The following ADISSP variants were observed in gnomAD, a reference collection of about 807,000 sequenced individuals.
ADISSP encodes adipose-secreted signaling protein.
the ADISSP span, among the ~76,000 whole-genome samples, chr20:3,761,336 GTTTT>G: frequency 4.2e-5 from 6 of 141,648 alleles, no homozygotes; most frequent in East Asian, 8.3e-4. Context: ...TATGGTTTTT[GTTTT>G]TTTTTTTTTT....
chr20:3,758,590 C>A, the ADISSP span: 1 of 1,613,974 alleles, frequency 6.2e-7, no homozygotes. The surrounding 1 kb of genome is among the most constrained non-coding windows in gnomAD (Gnocchi z 5.5). Flanking sequence ...CCGAGTCATG[C>A]AGCTTCTCAT....
chr20:3,766,207 A>G, the ADISSP span, among the ~76,000 whole-genome samples: 2 of 152,214 alleles, frequency 1.3e-5, no homozygotes, highest in Non-Finnish European at 2.9e-5. Flanking sequence ...CACGCCTGTG[A>G]AAAGAACAGC....
the ADISSP span, chr20:3,754,172 T>C: frequency 6.3e-7 from 1 of 1,598,674 alleles, no homozygotes; most frequent in East Asian, 2.3e-5. Context: ...CAAGGCAGGG[T>C]GCAAGTCAGT....
chr20:3,756,593 T>C, the ADISSP span, among the ~76,000 whole-genome samples: 1 of 152,278 alleles, frequency 6.6e-6, no homozygotes, highest in African/African-American at 2.4e-5. Flanking sequence ...TGGGACCAGG[T>C]TGATATTGCT....
At chr20:3,758,849 C>T in the ADISSP span, among the ~76,000 whole-genome samples, 1 of 152,194 alleles carries the variant, frequency 6.6e-6, no homozygotes, top group African/African-American at 2.4e-5. This position sits in a 1 kb window ranked among gnomAD's most constrained non-coding sequence, Gnocchi z 5.5. Flanking sequence ...GCCTCCCCGC[C>T]GGCCCCGACC....
At chr20:3,755,817 G>A in the ADISSP span, among the ~76,000 whole-genome samples, 3,929 of 152,180 alleles carry the variant, frequency 0.026, 152 homozygotes, top group African/African-American at 0.089. Flanking sequence ...CAGCCCTACA[G>A]CTTGGCCAGC....
the ADISSP span, among the ~76,000 whole-genome samples, chr20:3,764,632 C>T: frequency 6.6e-6 from 1 of 152,264 alleles, no homozygotes; most frequent in Non-Finnish European, 1.5e-5. Flanking sequence ...CTCTTCCTCA[C>T]CTTACAAGGG....
the ADISSP span, among the ~76,000 whole-genome samples, chr20:3,766,006 C>T: frequency 3.9e-5 from 6 of 152,332 alleles, no homozygotes; most frequent in East Asian, 1.9e-4. Flanking sequence ...ATGCTCCCAA[C>T]GTCTGAGACC....
chr20:3,758,130 A>T, the ADISSP span, among the ~76,000 whole-genome samples: 280 of 152,370 alleles, frequency 1.8e-3, 2 homozygotes, highest in Admixed American at 5.3e-3. This position sits in a 1 kb window ranked among gnomAD's most constrained non-coding sequence, Gnocchi z 5.5. Flanking sequence ...CCTGTATCAC[A>T]TACATACATT....
At chr20:3,759,777 C>A in the ADISSP span, among the ~76,000 whole-genome samples, 2 of 152,158 alleles carry the variant, frequency 1.3e-5, no homozygotes, top group East Asian at 3.9e-4. The surrounding 1 kb of genome is among the most constrained non-coding windows in gnomAD (Gnocchi z 4.6). Flanking sequence ...CAGTGCTCAC[C>A]ATAAGCCCCT....
chr20:3,757,214 G>A, the ADISSP span, among the ~76,000 whole-genome samples: 2 of 151,966 alleles, frequency 1.3e-5, no homozygotes, highest in African/African-American at 2.4e-5. Flanking sequence ...GCTGAGAGTG[G>A]TGGCACGCGC....
chr20:3,759,930 G>A, the ADISSP span: 2 of 1,314,106 alleles, frequency 1.5e-6, no homozygotes, highest in Non-Finnish European at 2.2e-6. This position sits in a 1 kb window ranked among gnomAD's most constrained non-coding sequence, Gnocchi z 4.6. Context: ...CACTGACATA[G>A]TCCCAATCAC....
At chr20:3,763,233 G>A in the ADISSP span, among the ~76,000 whole-genome samples, 6 of 144,558 alleles carry the variant, frequency 4.2e-5, no homozygotes, top group East Asian at 1.3e-3. Flanking sequence ...TCCAGCCTGG[G>A]TGACAGAGCG....
At chr20:3,756,390 G>A in the ADISSP span, among the ~76,000 whole-genome samples, 2 of 152,238 alleles carry the variant, frequency 1.3e-5, no homozygotes, top group African/African-American at 2.4e-5. Flanking sequence ...AACTCCAGTA[G>A]TATGAAGGGT....
the ADISSP span, chr20:3,755,624 G>A: frequency 3.5e-4 from 557 of 1,579,926 alleles, no homozygotes; most frequent in Admixed American, 3.1e-4. Context: ...CAGGAGAGGT[G>A]AGGGAGGGAG....
chr20:3,753,921 G>A, the ADISSP span: 1 of 659,814 alleles, frequency 1.5e-6, no homozygotes, highest in Non-Finnish European at 2.7e-6. Flanking sequence ...AGGCAGAGGT[G>A]AGAGGCGTGG....
chr20:3,763,014 G>A, the ADISSP span, among the ~76,000 whole-genome samples: 1 of 152,148 alleles, frequency 6.6e-6, no homozygotes, highest in Admixed American at 6.5e-5. Flanking sequence ...CCAGCACTTT[G>A]GGAAGCCAAG....
the ADISSP span, chr20:3,755,694 G>A: frequency 5.8e-5 from 70 of 1,206,934 alleles, 1 homozygote; most frequent in African/African-American, 7.0e-4. Context: ...GATCCCATGC[G>A]CCCCAGCACC....
At chr20:3,756,160 T>C in the ADISSP span, among the ~76,000 whole-genome samples, 1 of 152,192 alleles carries the variant, frequency 6.6e-6, no homozygotes, top group Non-Finnish European at 1.5e-5. Context: ...ATTAGAGATA[T>C]GACAGTAGAC....
Sources: allele counts gnomAD v4.1 joint callset (sites outside exome capture counted in the v4.1 genomes callset), GRCh38; gene constraint gnomAD v4.1.1; non-coding constraint Gnocchi (gnomAD v3.1); transcripts MANE v1.5; gene names NCBI Gene and HGNC (gene_info 2026-07-23, HGNC 2026-07-21).